Variants in PCDHGA2 observed in about 807,000 individuals in gnomAD.
PCDHGA2 encodes the protein protocadherin gamma-A2.
PCDHGA2 carries 40 observed loss-of-function variants against 59.2 expected under a neutral mutation model. The ratio of observed to expected loss-of-function variants is 0.68; its 90% CI spans 0.52 to 0.88. The LOEUF is 0.88. PCDHGA2 is among the 40% of genes least tolerant of loss of function. The pLI, the probability that PCDHGA2 is intolerant of heterozygous loss-of-function variation, is 0.00. For missense variants in PCDHGA2, 1,226 were observed against 1,204.0 expected, an observed-to-expected ratio of 1.02 and a Z score of -0.27; for synonymous variants, 560 against 526.0, an observed-to-expected ratio of 1.06 and a Z score of -0.89.
chr5:141,343,889 G>C (rs560158905), intron 1 of PCDHGA2: 3 of 677,326 alleles, frequency 4.4e-6, no homozygotes, highest in Admixed American at 6.3e-5. Flanking sequence ...GATCCGGGGC[G>C]GCTGCCAACC....
At chr5:141,403,699 T>G (rs780425739) in intron 1 of PCDHGA2, 6 of 1,613,934 alleles carry the variant, frequency 3.7e-6, no homozygotes, top group East Asian at 2.2e-5. Context: ...TTTACCGAGT[T>G]AAAGTCCTTG....
chr5:141,351,522 C>A, intron 1 of PCDHGA2: 2 of 1,614,018 alleles, frequency 1.2e-6, no homozygotes, highest in South Asian at 1.1e-5. Context: ...ATCATAGCCA[C>A]CGACAAGGGC....
intron 1 of PCDHGA2, chr5:141,414,451 G>C (rs1390702349): frequency 1.9e-6 from 3 of 1,613,874 alleles, no homozygotes; most frequent in Non-Finnish European, 2.5e-6. Context: ...CAATATCACA[G>C]TGACAGCCAC....
chr5:141,405,164 T>C, intron 1 of PCDHGA2: 1 of 1,614,076 alleles, frequency 6.2e-7, no homozygotes, highest in East Asian at 2.2e-5. Flanking sequence ...TGTGCCCACC[T>C]CACACTTTGT....
chr5:141,370,496 C>T, intron 1 of PCDHGA2: 1 of 1,613,970 alleles, frequency 6.2e-7, no homozygotes, highest in Non-Finnish European at 8.5e-7. Flanking sequence ...AACCGATCCG[C>T]TACGCTATTC....
intron 1 of PCDHGA2, chr5:141,388,503 TC>T (rs1405490200): frequency 6.2e-7 from 1 of 1,613,782 alleles, no homozygotes; most frequent in Admixed American, 1.7e-5. Context: ...AAAGCAGAAA[TC>T]CTACCACTTG....
intron 1 of PCDHGA2, among the ~76,000 whole-genome samples, chr5:141,467,087 C>T (rs1159093881): frequency 3.4e-5 from 5 of 147,240 alleles, no homozygotes; most frequent in African/African-American, 1.3e-4. Context: ...AAGTCTCACT[C>T]TGTCACACAG....
At chr5:141,345,290 C>T (rs1227914107) in intron 1 of PCDHGA2, 1 of 1,613,856 alleles carries the variant, frequency 6.2e-7, no homozygotes, top group African/African-American at 1.3e-5. Flanking sequence ...CAGAATATAA[C>T]ATTAGTCTGA....
At chr5:141,425,822 A>G (rs1257213242) in intron 1 of PCDHGA2, among the ~76,000 whole-genome samples, 1 of 152,240 alleles carries the variant, frequency 6.6e-6, no homozygotes, top group Non-Finnish European at 1.5e-5. Context: ...GAAAAAAACA[A>G]ACTTTTAAAT....
intron 1 of PCDHGA2, chr5:141,413,736 G>C: frequency 6.2e-7 from 1 of 1,613,452 alleles, no homozygotes; most frequent in South Asian, 1.1e-5. Context: ...TAAGAGTTCA[G>C]AGCCGTGCCA....
At chr5:141,429,378 T>G (rs890583768) in intron 1 of PCDHGA2, among the ~76,000 whole-genome samples, 3 of 105,336 alleles carry the variant, frequency 2.8e-5, no homozygotes, top group African/African-American at 5.2e-5. Flanking sequence ...AGAAAATGTG[T>G]TTTTTTTTTA....
Position 141,384,336 on chromosome 5 carries a change from C to T in PCDHGA2, c.2424+42941C>T, listed in dbSNP as rs1779973302. On this transcript the variant is annotated intron_variant, in intron 1 of 3. Transcript: ENST00000394576. ...TTTTCTTAGTGACTGCACAGGACCA[C>T]GACAGTGAGGATAATGCCCAGATCA... 9 of 1,613,748 alleles carry T rather than the reference C, an allele frequency of 5.6e-6. No homozygotes were observed. The East Asian group carries it at 1.1e-4, about 20-fold the overall frequency.
chr5:141,468,433 A>G (rs2099167290), intron 1 of PCDHGA2: 1 of 152,202 alleles, frequency 6.6e-6, no homozygotes, highest in Non-Finnish European at 1.5e-5. Context: ...GGTAATAGCA[A>G]AATGTGGGTG....
At chr5:141,455,874 T>C (rs2098834969) in intron 1 of PCDHGA2, among the ~76,000 whole-genome samples, 1 of 146,458 alleles carries the variant, frequency 6.8e-6, no homozygotes, top group South Asian at 2.1e-4. Flanking sequence ...TTTATTTATT[T>C]ATTTATTTAT....
intron 1 of PCDHGA2, among the ~76,000 whole-genome samples, chr5:141,458,227 G>T (rs2154566190): frequency 6.6e-6 from 1 of 152,284 alleles, no homozygotes; most frequent in South Asian, 2.1e-4. Context: ...TCCTTTCCCA[G>T]TCCATGCACC....
rs528806463 is a variant in PCDHGA2 at position 141,356,170 on chromosome 5, G to A, written c.2424+14775G>A. The A allele has an allele frequency of 6.8e-6, 11 of 1,612,922 alleles. No homozygotes were observed. The highest frequency in any genetic ancestry group is 8.5e-6 in the Non-Finnish European group (10 of 1,179,376). ...TGACATAGATGTAGAAGCCCATGAT[G>A]GGCCTGGTCTCCGAGCTAGAAGCAA... On this transcript the variant is annotated intron_variant, in intron 1 of 3. Transcript: ENST00000394576.
intron 1 of PCDHGA2, among the ~76,000 whole-genome samples, chr5:141,454,379 T>A (rs770736083): frequency 1.2e-3 from 179 of 152,316 alleles, no homozygotes; most frequent in Non-Finnish European, 2.1e-3. Flanking sequence ...TGGCAACTTG[T>A]CAAGATGAAG....
chr5:141,485,192 A>T lies in PCDHGA2; in HGVS notation c.2425-9615A>T. 1.2e-6 allele frequency: 2 copies of T among 1,613,942 alleles called. No individual in the cohort carries two copies. Among genetic ancestry groups the T allele is most frequent in the African/African-American group, 2.7e-5 (2 of 75,048 alleles). On this transcript the variant is annotated intron_variant, in intron 1 of 3. Transcript: ENST00000394576. The surrounding 1 kb of genome is among the most constrained non-coding windows in gnomAD (Gnocchi z 5.7). ...GGCAGCAATGCTCCGCAAGGTGAGA[A>T]GCTGGACAGAAATCTGGCGGTGGGC... is the stretch of plus-strand genomic sequence containing the variant.
At chr5:141,370,582 C>T (rs1455382111) in intron 1 of PCDHGA2, 1 of 1,613,890 alleles carries the variant, frequency 6.2e-7, no homozygotes, top group Non-Finnish European at 8.5e-7. Context: ...GATTTACCTA[C>T]TAGGAACCTG....
Sources: allele counts gnomAD v4.1 joint callset (sites outside exome capture counted in the v4.1 genomes callset), GRCh38; gene constraint gnomAD v4.1.1; non-coding constraint Gnocchi (gnomAD v3.1); transcripts MANE v1.5; gene names NCBI Gene and HGNC (gene_info 2026-07-23, HGNC 2026-07-21).